ACACA: variants seen among roughly 807,000 people sequenced by gnomAD.
ACACA encodes acetyl-CoA carboxylase alpha.
In ACACA, 103 loss-of-function variants were observed where a neutral mutation model predicts 296.1. That is an observed-to-expected ratio of 0.35 (90% CI 0.30 to 0.41). The LOEUF (loss-of-function observed/expected upper bound fraction) is 0.41, where lower values mean the gene tolerates loss of function less well. Ranked by LOEUF, ACACA falls within the 10% of genes least tolerant of loss-of-function variation. The pLI, the probability that ACACA is intolerant of heterozygous loss-of-function variation, is 1.00. For missense variants in ACACA, 1,554 were observed against 2,989.7 expected (o/e 0.52, Z 11.20); for synonymous variants, 953 against 1,038.6 (o/e 0.92, Z 1.58).
chr17:37,379,446 A>T, intron 1 of ACACA: 1 of 1,521,628 alleles, frequency 6.6e-7, no homozygotes, highest in Non-Finnish European at 8.9e-7. Context: ...GAAGGCAGCC[A>T]GAACTCCGTA....
At chr17:37,142,692 C>T (rs534744816) in intron 45 of ACACA, among the ~76,000 whole-genome samples, 2 of 152,296 alleles carry the variant, frequency 1.3e-5, no homozygotes, top group East Asian at 1.9e-4. Context: ...ATTGTATCAA[C>T]GAGTCCTTGG....
chr17:37,095,092 G>T (rs2072904820), intron 54 of ACACA, among the ~76,000 whole-genome samples: 1 of 152,204 alleles, frequency 6.6e-6, no homozygotes, highest in Non-Finnish European at 1.5e-5. Context: ...ATGCCTGGGG[G>T]GAAACTTCCT....
At chr17:37,216,654 C>T (rs2079012973) in intron 29 of ACACA, among the ~76,000 whole-genome samples, 1 of 151,458 alleles carries the variant, frequency 6.6e-6, no homozygotes, top group South Asian at 2.1e-4. Flanking sequence ...AAAAATGTAC[C>T]AAATATGTTA....
intron 1 of ACACA, among the ~76,000 whole-genome samples, chr17:37,354,590 T>A (rs2049047005): frequency 6.6e-6 from 1 of 152,172 alleles, no homozygotes; most frequent in African/African-American, 2.4e-5. Context: ...AAATAGTCCA[T>A]TAGATTCAAG....
intron 39 of ACACA, among the ~76,000 whole-genome samples, chr17:37,185,848 C>T (rs184471950): frequency 1.9e-3 from 287 of 152,262 alleles, no homozygotes; most frequent in Non-Finnish European, 3.0e-3. Context: ...GGATTACAGG[C>T]GTGAGTCACT....
In ACACA at chr17:37,218,214, C is replaced by G. The variant is rs149246775; in HGVS notation, c.3683+3510G>C. On this transcript the variant is annotated intron_variant, in intron 29 of 55. Coordinates refer to ENST00000616317, the MANE Select transcript of ACACA (RefSeq NM_198834.3). The stretch of plus-strand genomic sequence containing the variant: ...TAATTAATTTTTGGTCTAAGTTGAA[C>G]TGTCTAATATAGCAGCCATTAGCCA... 7.6e-3 allele frequency among the ~76,000 whole-genome samples: 1,119 copies of G among 147,492 alleles called. 14 individuals carry two copies. Among genetic ancestry groups the G allele is most frequent in the East Asian group, 0.039 (195 of 4,990 alleles).
chr17:37,310,793 C>CAAAAAAAAA (rs74268026), intron 3 of ACACA, among the ~76,000 whole-genome samples: 3 of 50,488 alleles, frequency 5.9e-5, no homozygotes, highest in African/African-American at 8.2e-5. Flanking sequence ...GACACCATCT[C>CAAAAAAAAA]AAAAAAAAAA....
intron 29 of ACACA, among the ~76,000 whole-genome samples, chr17:37,219,966 C>T (rs190975985): frequency 9.2e-5 from 14 of 151,670 alleles, no homozygotes; most frequent in Admixed American, 9.2e-4. Context: ...ACAGTTATAC[C>T]AATAATAATG....
intron 1 of ACACA, among the ~76,000 whole-genome samples, chr17:37,394,925 A>G (rs1318534232): frequency 1.3e-5 from 2 of 151,230 alleles, no homozygotes; most frequent in Admixed American, 6.6e-5. Context: ...AATAAAATAA[A>G]TAAAGTACAT....
intron 1 of ACACA, among the ~76,000 whole-genome samples, chr17:37,399,270 C>A (rs1238443751): frequency 6.6e-6 from 1 of 152,076 alleles, no homozygotes; most frequent in Non-Finnish European, 1.5e-5. Context: ...CATGAGCCAC[C>A]GCACCAGGCC....
At chr17:37,092,506 T>C (rs1207748314) in intron 54 of ACACA, among the ~76,000 whole-genome samples, 1 of 152,230 alleles carries the variant, frequency 6.6e-6, no homozygotes, top group Admixed American at 6.5e-5. Flanking sequence ...TCTGCATCAG[T>C]GGATAAGTAT....
At chr17:37,181,425 T>G (rs979839437) in intron 39 of ACACA, 69 bp from the exon 40 acceptor site, 50 of 1,538,612 alleles carry the variant, frequency 3.2e-5, no homozygotes, top group Non-Finnish European at 4.0e-5. Context: ...CTAGAGGGGC[T>G]TTTTTTGCAC....
intron 24 of ACACA, among the ~76,000 whole-genome samples, chr17:37,236,353 C>T (rs1034845750): frequency 1.3e-5 from 2 of 152,120 alleles, no homozygotes; most frequent in African/African-American, 2.4e-5. Flanking sequence ...TTTTTCTCTA[C>T]CAAGACTTAG....
chr17:37,149,059 C>T (rs999836890), intron 45 of ACACA, among the ~76,000 whole-genome samples: 7 of 152,202 alleles, frequency 4.6e-5, no homozygotes, highest in African/African-American at 1.7e-4. Context: ...GCAAAGATGT[C>T]AGAACTGCAC....
At chr17:37,219,059 G>C (rs868080055) in intron 29 of ACACA, among the ~76,000 whole-genome samples, 5 of 152,178 alleles carry the variant, frequency 3.3e-5, no homozygotes, top group African/African-American at 1.2e-4. Flanking sequence ...AGGGGAGCTG[G>C]TCACTAGAAA....
chr17:37,129,394 C>T lies in ACACA; in HGVS notation c.5915G>A (p.Arg1972Gln), dbSNP rs759503745. 1 of 1,614,022 alleles carries T rather than the reference C, an allele frequency of 6.2e-7. No homozygotes were observed. Among genetic ancestry groups the T allele is most frequent in the South Asian group, 1.1e-5 (1 of 91,066 alleles). The change falls in exon 47 of 56, where the codon CGA becomes CAA. Residue 1972 changes from arginine to glutamine, a missense_variant. Physicochemically the swap from Arg to Gln is conservative, Grantham distance 43. Around this residue, in one of 16 missense-constraint regions of ACACA, gnomAD observed 553 missense variants for 1,043.6 expected, o/e 0.53. Coordinates refer to ENST00000616317, the MANE Select transcript of ACACA (RefSeq NM_198834.3). Reference sequence around the variant, plus strand: ...GTGAGGACGGCCTGCTAGCATCCATCGAGGATCGTATGGGGTCTTTGTGGG... The same window carrying T: ...GTGAGGACGGCCTGCTAGCATCCATTGAGGATCGTATGGGGTCTTTGTGGG... Reference protein sequence around the residue: ...FVPTKTPYDPRWMLAGRPHPT... With the variant: ...FVPTKTPYDPQWMLAGRPHPT...
intron 8 of ACACA, 24 bp from the exon 9 acceptor site, chr17:37,274,323 G>C (rs2146447463): frequency 6.3e-7 from 1 of 1,577,846 alleles, no homozygotes; most frequent in Non-Finnish European, 8.7e-7. Flanking sequence ...TAGCAACTTA[G>C]GGCAATTACA....
intron 25 of ACACA, among the ~76,000 whole-genome samples, chr17:37,227,657 G>A (rs1046320250): frequency 9.9e-5 from 15 of 152,132 alleles, no homozygotes; most frequent in South Asian, 4.2e-4. Flanking sequence ...TCACGAGGTC[G>A]AGACCATCCT....
rs138180997 is a variant in ACACA at position 37,249,895 on chromosome 17, C to T, written c.2082-1221G>A. Among the ~76,000 whole-genome samples, 16 of 152,286 alleles carry T rather than the reference C, an allele frequency of 1.1e-4. 1 individual carries two copies. Among genetic ancestry groups the T allele is most frequent in the African/African-American group, 2.4e-5 (1 of 41,564 alleles). ...GTGGGAGATACTTGAATCATGGGGG[C>T]GGTTCCCCCATACTGTTCTCATGGT... On this transcript the variant is annotated intron_variant, in intron 16 of 55. Coordinates refer to ENST00000616317, the MANE Select transcript of ACACA (RefSeq NM_198834.3).
Sources: gnomAD v4.1 joint callset for allele counts (sites outside exome capture counted in the v4.1 genomes callset) on GRCh38, gnomAD v4.1.1 for gene constraint, gnomAD v4.1.1 regional missense constraint, MANE v1.5 for transcripts, NCBI Gene and HGNC (gene_info 2026-07-23, HGNC 2026-07-21) for gene names.